Variants in FOXP2 observed in about 807,000 individuals in gnomAD.
The protein encoded by FOXP2 is forkhead box protein P2.
FOXP2 carries 12 observed loss-of-function variants against 115.8 expected under a neutral mutation model. The ratio of observed to expected loss-of-function variants is 0.10; its 90% CI spans 0.07 to 0.17. The LOEUF (loss-of-function observed/expected upper bound fraction) is 0.17, where lower values mean the gene tolerates loss of function less well. FOXP2 is among the 10% of genes least tolerant of loss of function. The pLI is 1.00. For missense variants in FOXP2, 629 were observed against 843.5 expected (o/e 0.75, Z 3.15); for synonymous variants, 328 against 297.7 (o/e 1.10, Z -1.05).
At chr7:114,176,514 A>AT (rs1256895925) in intron 1 of FOXP2, among the ~76,000 whole-genome samples, 1 of 151,090 alleles carries the variant, frequency 6.6e-6, no homozygotes, top group Non-Finnish European at 1.5e-5. Context: ...TAATTTTTGT[A>AT]TTTTTTTGTA....
intron 1 of FOXP2, among the ~76,000 whole-genome samples, chr7:114,418,732 C>T (rs1793465916): frequency 6.6e-6 from 1 of 150,836 alleles, no homozygotes; most frequent in South Asian, 2.1e-4. Flanking sequence ...ACCTGTCGAT[C>T]GCAAAGGATT....
intron 2 of FOXP2, among the ~76,000 whole-genome samples, chr7:114,453,820 G>A (rs1246482969): frequency 6.6e-6 from 1 of 151,974 alleles, no homozygotes; most frequent in Non-Finnish European, 1.5e-5. Flanking sequence ...GCCATATGTA[G>A]GAAACTGAAA....
At chr7:114,239,722 G>T (rs973829127) in intron 1 of FOXP2, among the ~76,000 whole-genome samples, 1 of 152,036 alleles carries the variant, frequency 6.6e-6, no homozygotes, top group African/African-American at 2.4e-5. Flanking sequence ...TGAGCATTTT[G>T]GTTTCAGAAG....
At chr7:114,488,054 A>G (rs1234781672) in intron 2 of FOXP2, among the ~76,000 whole-genome samples, 1 of 152,172 alleles carries the variant, frequency 6.6e-6, no homozygotes, top group African/African-American at 2.4e-5. Flanking sequence ...GTAATTTATA[A>G]AGAAAAACAG....
chr7:114,598,809 ATGGATTTTCACAAAG>A (rs1802861603), intron 3 of FOXP2, among the ~76,000 whole-genome samples: 1 of 152,064 alleles, frequency 6.6e-6, no homozygotes, highest in African/African-American at 2.4e-5. Context: ...ATACATAGCT[ATGGATTTTCACAAAG>A]TGAATACACC....
intron 3 of FOXP2, among the ~76,000 whole-genome samples, chr7:114,597,796 G>A (rs1322918265): frequency 6.6e-6 from 1 of 152,124 alleles, no homozygotes; most frequent in African/African-American, 2.4e-5. Context: ...AACTTGTAGA[G>A]CTATTTCAAC....
chr7:114,675,568 C>T (rs377474163), intron 16 of FOXP2, among the ~76,000 whole-genome samples: 8 of 152,190 alleles, frequency 5.3e-5, no homozygotes, highest in East Asian at 3.9e-4. Context: ...TATTCAATCA[C>T]GTATGAAATT....
At chr7:114,526,447 G>A (rs1051802372) in intron 2 of FOXP2, among the ~76,000 whole-genome samples, 2 of 148,804 alleles carry the variant, frequency 1.3e-5, no homozygotes, top group African/African-American at 4.9e-5. Context: ...TTGCACTCCA[G>A]TCTGGGCGAC....
intron 1 of FOXP2, among the ~76,000 whole-genome samples, chr7:114,140,388 T>G (rs2129146915): frequency 6.6e-6 from 1 of 152,306 alleles, no homozygotes; most frequent in Admixed American, 6.5e-5. Context: ...GTGAATTATT[T>G]GCCCTTGGCT....
chr7:114,469,481 A>G (rs1795950845), intron 2 of FOXP2, among the ~76,000 whole-genome samples: 1 of 152,228 alleles, frequency 6.6e-6, no homozygotes, highest in Non-Finnish European at 1.5e-5. Flanking sequence ...GTAAGTTTTT[A>G]CAAAGATATC....
At chr7:114,248,572 G>A (rs1795351341) in intron 1 of FOXP2, among the ~76,000 whole-genome samples, 1 of 151,984 alleles carries the variant, frequency 6.6e-6, no homozygotes, top group Admixed American at 6.6e-5. Context: ...GTTTACTGTT[G>A]GTTATATAAC....
intron 3 of FOXP2, among the ~76,000 whole-genome samples, chr7:114,614,992 G>A (rs947060997): frequency 1.3e-5 from 2 of 152,058 alleles, no homozygotes; most frequent in African/African-American, 4.8e-5. Flanking sequence ...AGGCCGAGGC[G>A]GGCGGATCAC....
chr7:114,249,202 CTATTT>C (rs201951507), intron 1 of FOXP2, among the ~76,000 whole-genome samples: 1 of 151,976 alleles, frequency 6.6e-6, no homozygotes, highest in African/African-American at 2.4e-5. Context: ...GAAGGCCTTT[CTATTT>C]TATTTTATTT....
intron 2 of FOXP2, among the ~76,000 whole-genome samples, chr7:114,367,511 A>C (rs939556210): frequency 1.3e-5 from 2 of 152,168 alleles, no homozygotes; most frequent in African/African-American, 4.8e-5. Flanking sequence ...ATAAGTAATA[A>C]TAAGTTACTA....
At chr7:114,435,931 A>G (rs779900223) in intron 2 of FOXP2, among the ~76,000 whole-genome samples, 1 of 152,190 alleles carries the variant, frequency 6.6e-6, no homozygotes, top group Non-Finnish European at 1.5e-5. Context: ...TTTTTGAAAT[A>G]CAAATTTACC....
At chr7:114,294,804 G>T (rs1038432127) in intron 2 of FOXP2, among the ~76,000 whole-genome samples, 1 of 151,884 alleles carries the variant, frequency 6.6e-6, no homozygotes, top group Non-Finnish European at 1.5e-5. Flanking sequence ...TTGTGCCACC[G>T]CATTCCAGCC....
intron 3 of FOXP2, among the ~76,000 whole-genome samples, chr7:114,554,747 C>T (rs1435838002): frequency 6.6e-6 from 1 of 152,044 alleles, no homozygotes; most frequent in African/African-American, 2.4e-5. Flanking sequence ...CCAGAAATTG[C>T]ATTACATTTA....
intron 2 of FOXP2, among the ~76,000 whole-genome samples, chr7:114,485,619 A>C (rs1796739221): frequency 6.6e-6 from 1 of 152,040 alleles, no homozygotes; most frequent in Non-Finnish European, 1.5e-5. Context: ...TGATGAAAAT[A>C]GTAATAATCA....
chr7:114,265,571 G>A (rs1420260391), intron 1 of FOXP2, among the ~76,000 whole-genome samples: 2 of 152,054 alleles, frequency 1.3e-5, no homozygotes, highest in African/African-American at 4.8e-5. Context: ...CTGGAGCATG[G>A]TGGTCCCCTT....
Sources: gnomAD v4.1 joint callset for allele counts (sites outside exome capture counted in the v4.1 genomes callset) on GRCh38, gnomAD v4.1.1 for gene constraint, MANE v1.5 for transcripts, NCBI Gene and HGNC (gene_info 2026-07-23, HGNC 2026-07-21) for gene names.